DCLK2: variants seen among roughly 807,000 people sequenced by gnomAD.
DCLK2 encodes the protein serine/threonine-protein kinase DCLK2.
A neutral mutation model predicts 78.4 loss-of-function variants in DCLK2; 31 were observed. The observed-to-expected ratio is 0.40, with a 90% confidence interval of 0.30 to 0.53. DCLK2 has a LOEUF of 0.53. DCLK2 is among the 20% of genes least tolerant of loss of function. The probability of loss-of-function intolerance (pLI) is 0.61; values close to 1 mark genes in which losing one functional copy is unlikely to be tolerated. For synonymous variants in DCLK2, 407 were observed against 374.9 expected (o/e 1.09, Z -0.99); for missense variants, 872 against 973.7 (o/e 0.90, Z 1.39).
At chr4:150,207,185 G>A (rs1388875467) in intron 5 of DCLK2, among the ~76,000 whole-genome samples, 2 of 152,150 alleles carry the variant, frequency 1.3e-5, no homozygotes, top group African/African-American at 4.8e-5. Flanking sequence ...CAGAGAATCA[G>A]AGAATTGATA....
intron 2 of DCLK2, among the ~76,000 whole-genome samples, chr4:150,178,172 A>G (rs1029222587): frequency 1.1e-4 from 17 of 152,220 alleles, no homozygotes; most frequent in Non-Finnish European, 2.2e-4. Context: ...TAACCTTTCT[A>G]TGGGTATTTG....
At chr4:150,132,069 T>C (rs1478557851) in intron 2 of DCLK2, among the ~76,000 whole-genome samples, 1 of 152,082 alleles carries the variant, frequency 6.6e-6, no homozygotes, top group Non-Finnish European at 1.5e-5. Context: ...GTGGTATCCT[T>C]GTGCTCTCTT....
chr4:150,199,101 T>C, intron 4 of DCLK2: 1 of 1,590,964 alleles, frequency 6.3e-7, no homozygotes, highest in Non-Finnish European at 8.5e-7. Context: ...TATTGTGGCT[T>C]TGTTGCTCTG....
chr4:150,166,353 G>T (rs986574032), intron 2 of DCLK2, among the ~76,000 whole-genome samples: 1 of 151,940 alleles, frequency 6.6e-6, no homozygotes, highest in Non-Finnish European at 1.5e-5. Context: ...AATTAGCCAG[G>T]TGTGGTGGCA....
chr4:150,162,065 C>G (rs1376950428), intron 2 of DCLK2, among the ~76,000 whole-genome samples: 1 of 152,108 alleles, frequency 6.6e-6, no homozygotes, highest in Non-Finnish European at 1.5e-5. Flanking sequence ...GGGTCTTGCC[C>G]TGTTGCCCAG....
intron 3 of DCLK2, 76 bp downstream of exon 3, chr4:150,193,316 AG>A: frequency 1.1e-6 from 1 of 913,006 alleles, no homozygotes; most frequent in South Asian, 1.7e-5. Flanking sequence ...TTAGCCACTC[AG>A]TTGGTGCATG....
At chr4:150,124,657 A>T (rs1392222485) in intron 2 of DCLK2, among the ~76,000 whole-genome samples, 1 of 152,266 alleles carries the variant, frequency 6.6e-6, no homozygotes, top group Non-Finnish European at 1.5e-5. Flanking sequence ...TACAAAAACC[A>T]AAAGTTGCAT....
intron 2 of DCLK2, among the ~76,000 whole-genome samples, chr4:150,158,941 T>C (rs1299402832): frequency 6.6e-6 from 1 of 152,104 alleles, no homozygotes; most frequent in African/African-American, 2.4e-5. Context: ...AATGCAGGGC[T>C]TACTGGAAGA....
intron 15 of DCLK2, chr4:150,253,859 G>C (rs1033450133): frequency 1.0e-6 from 1 of 985,358 alleles, no homozygotes; most frequent in African/African-American, 1.7e-5. Context: ...TTTTCGGAAA[G>C]AGCAGCTTAA....
chr4:150,210,357 G>A (rs1560872815), intron 5 of DCLK2, among the ~76,000 whole-genome samples: 1 of 152,156 alleles, frequency 6.6e-6, no homozygotes, highest in Non-Finnish European at 1.5e-5. Flanking sequence ...TAGCGTACAA[G>A]GGGGAAAGAG....
intron 15 of DCLK2, among the ~76,000 whole-genome samples, chr4:150,255,761 C>T (rs1002880635): frequency 6.6e-6 from 1 of 152,142 alleles, no homozygotes; most frequent in African/African-American, 2.4e-5. Context: ...CAGCCCAAAG[C>T]GAGAGAAGAC....
chr4:150,086,161 A>C (rs1182132077), intron 1 of DCLK2, among the ~76,000 whole-genome samples: 2 of 152,172 alleles, frequency 1.3e-5, no homozygotes, highest in African/African-American at 4.8e-5. Flanking sequence ...ATCCCATGAA[A>C]CAAATGCTTC....
At chr4:150,091,765 ATTTATG>A (rs1730090748) in intron 1 of DCLK2, among the ~76,000 whole-genome samples, 1 of 83,242 alleles carries the variant, frequency 1.2e-5, no homozygotes, top group Non-Finnish European at 2.8e-5. Context: ...TAAAAGGAAC[ATTTATG>A]TGTGTGTGTG....
chr4:150,244,696 T>G (rs190636004), intron 12 of DCLK2, among the ~76,000 whole-genome samples: 11 of 152,356 alleles, frequency 7.2e-5, no homozygotes, highest in African/African-American at 2.6e-4. Flanking sequence ...ACAGCTTTTC[T>G]TACATGACTG....
Position 150,248,367 on chromosome 4 carries a change from G to C in DCLK2, c.1938G>C (p.Leu646=), listed in dbSNP as rs1743489534. ...CTCGGTGTACCGCGGGACAAATCCT[G>C]AGTCACCCCTGGGTGTCAGTAAGTA... The part of the protein sequence containing the change: ...VEARCTAGQI[L]SHPWVSDDAS... Residue 646 remains leucine (L), a synonymous_variant, in exon 14 of 16, where the codon CTG becomes CTC. Coordinates refer to ENST00000296550, the MANE Select transcript of DCLK2 (RefSeq NM_001040260.4). 3.1e-6 allele frequency: 5 copies of C among 1,613,898 alleles called. No homozygotes were observed. The East Asian group carries it at 1.1e-4, about 36-fold the overall frequency.
intron 3 of DCLK2, 64 bp downstream of exon 3, chr4:150,193,304 A>G (rs1394606629): frequency 9.4e-7 from 1 of 1,067,758 alleles, no homozygotes; most frequent in Non-Finnish European, 1.4e-6. Context: ...AAGGCTTGGG[A>G]TTTAGCCACT....
intron 2 of DCLK2, among the ~76,000 whole-genome samples, chr4:150,149,037 CAAAAA>C (rs11407877): frequency 2.9e-5 from 3 of 104,672 alleles, no homozygotes; most frequent in Admixed American, 2.1e-4. Flanking sequence ...CAGACTGTCT[CAAAAA>C]AAAAAAAAAA....
At chr4:150,140,227 T>G (rs1013296210) in intron 2 of DCLK2, among the ~76,000 whole-genome samples, 1 of 152,242 alleles carries the variant, frequency 6.6e-6, no homozygotes, top group Non-Finnish European at 1.5e-5. Context: ...TGTTAGCTTA[T>G]CTTCTTTAAT....
rs548670040 is a variant in DCLK2, at chr4:150,123,651, G to A, written c.756+20839G>A. 3.9e-5 allele frequency among the ~76,000 whole-genome samples: 6 copies of A among 152,256 alleles called. No individual in the cohort carries two copies. In the South Asian group the frequency reaches 6.2e-4, roughly 16 times the overall value. ...CAGGGTTGCCACGAAACTTCCATTCGTAAAAAGCTCAGTGTCTGTGAAGTG... is the reference window on the plus strand; with the variant it reads ...CAGGGTTGCCACGAAACTTCCATTCATAAAAAGCTCAGTGTCTGTGAAGTG... On this transcript the variant is annotated intron_variant, in intron 2 of 15. Coordinates refer to ENST00000296550, the MANE Select transcript of DCLK2 (RefSeq NM_001040260.4).
Sources: allele counts gnomAD v4.1 joint callset (sites outside exome capture counted in the v4.1 genomes callset), GRCh38; gene constraint gnomAD v4.1.1; transcripts MANE v1.5; gene names NCBI Gene and HGNC (gene_info 2026-07-23, HGNC 2026-07-21).